Variants in SMC5 observed in about 807,000 individuals in gnomAD.
SMC5 encodes structural maintenance of chromosomes 5, also known as structural maintenance of chromosomes protein 5.
Under a neutral mutation model 148.3 loss-of-function variants are expected in SMC5, and 88 were observed. That is an observed-to-expected ratio of 0.59 (90% CI 0.50 to 0.71). SMC5 has a LOEUF of 0.71. Ranked by LOEUF, SMC5 falls within the 30% of genes least tolerant of loss-of-function variation. The pLI is 0.00. For synonymous variants in SMC5, 421 were observed against 432.8 expected (o/e 0.97, Z 0.34); for missense variants, 1,142 against 1,298.9 (o/e 0.88, Z 1.86).
chr9:70,318,615 T>G lies in SMC5; in HGVS notation c.1908T>G (p.Ser636=). The G allele has an allele frequency of 6.2e-7, 1 of 1,612,982 alleles. No individual in the cohort carries two copies. The highest frequency in any genetic ancestry group is 8.5e-7 in the Non-Finnish European group (1 of 1,179,392). ...ACAAAGTTATTTCTAGTAACACATCTCTAAAAGTAGCGCAGTTTCTCACTG... is the reference window on the plus strand; with the variant it reads ...ACAAAGTTATTTCTAGTAACACATCGCTAAAAGTAGCGCAGTTTCTCACTG... ...YSNKVISSNT[S]LKVAQFLTVT... is the part of the protein sequence containing the mutation. The change falls in exon 14 of 25, where the codon TCT becomes TCG. Residue 636 remains serine, a synonymous_variant. Coordinates refer to ENST00000361138, the MANE Select transcript of SMC5 (RefSeq NM_015110.4).
chr9:70,344,157 A>G lies in SMC5; in HGVS notation c.2411A>G (p.Glu804Gly). 6.6e-7 allele frequency: 1 copy of G among 1,525,554 alleles called. No homozygotes were observed. Among genetic ancestry groups the G allele is most frequent in the Non-Finnish European group, 8.8e-7 (1 of 1,135,676 alleles). 94.5% of individuals were successfully genotyped at this position (1,525,554 alleles called of 1,614,324 possible). Residue 804 changes from glutamate (E) to glycine (G), a missense_variant, in exon 18 of 25, where the codon GAA becomes GGA. Physicochemically the swap from Glu to Gly is moderately conservative, Grantham distance 98. This residue lies in a region of SMC5 where 743 missense variants were observed against 835.7 expected (regional missense o/e 0.89). Transcript: ENST00000361138. ...TTTTTTTAATAGCAACATTTCATTGAATTGGATGAAAATAGACAGAGATTA... is the reference window on the plus strand; with the variant it reads ...TTTTTTTAATAGCAACATTTCATTGGATTGGATGAAAATAGACAGAGATTA... The part of the protein sequence containing the change: ...QLRLTEQHFI[E>G]LDENRQRLLQ...
Position 70,347,735 on chromosome 9 carries a change from A to C in SMC5, c.2769+18A>C. ...TTTCACAGGTAATTTTTTAGTTTTT[A>C]ATCTTTTTATCATGTGATTATTAAT... On this transcript the variant is annotated intron_variant, in intron 21 of 24. Transcript: ENST00000361138. 1 of 1,438,442 alleles carries C rather than the reference A, an allele frequency of 7.0e-7. No individual in the cohort carries two copies. Among genetic ancestry groups the C allele is most frequent in the South Asian group, 1.3e-5 (1 of 78,584 alleles). The allele number at this position is 1,438,442 out of a possible 1,614,324, so 89.1% of individuals were successfully genotyped here. A position where few individuals can be genotyped will look rare whatever the true frequency, so the allele number is the denominator to read the frequency against.
At chr9:70,268,811 C>A (rs2034365065) in intron 3 of SMC5, among the ~76,000 whole-genome samples, 1 of 152,052 alleles carries the variant, frequency 6.6e-6, no homozygotes, top group African/African-American at 2.4e-5. Context: ...CCTTATGACA[C>A]CAATAATTCA....
At chr9:70,329,578 A>G (rs1295233160) in intron 17 of SMC5, among the ~76,000 whole-genome samples, 6 of 152,224 alleles carry the variant, frequency 3.9e-5, no homozygotes, top group Non-Finnish European at 7.3e-5. Flanking sequence ...TTCACTGTCC[A>G]TATCCTTGTC....
At chr9:70,346,388 A>G in intron 18 of SMC5, 1 of 586,588 alleles carries the variant, frequency 1.7e-6, no homozygotes, top group Middle Eastern at 4.0e-4. Flanking sequence ...TGCTAGGCCA[A>G]ACAATGTACT....
rs1400797362 is a variant in SMC5 at position 70,318,975 on chromosome 9, C to G, written c.2150+12C>G. 1 of 1,598,504 alleles carries G rather than the reference C, an allele frequency of 6.3e-7. No homozygotes were observed. Among genetic ancestry groups the G allele is most frequent in the African/African-American group, 1.4e-5 (1 of 73,750 alleles). ...TCCAAACTAGGAAGGTATCTTTTAGCCTATTCAGGGGGGAGAGCACAAATT... is the reference window on the plus strand; with the variant it reads ...TCCAAACTAGGAAGGTATCTTTTAGGCTATTCAGGGGGGAGAGCACAAATT... On this transcript the variant is annotated intron_variant, in intron 15 of 24. Transcript: ENST00000361138.
At position 70,313,614 on chromosome 9, in the gene SMC5, C is replaced by A. The variant is rs540591341; in HGVS notation, c.1579-1128C>A. ...CTGAGTTCAAGCAATTCTCCTGCCTCAACCTCCCAAGTAGCTGAGATTACA... is the reference window on the plus strand; with the variant it reads ...CTGAGTTCAAGCAATTCTCCTGCCTAAACCTCCCAAGTAGCTGAGATTACA... On this transcript the variant is annotated intron_variant, in intron 11 of 24. Transcript: ENST00000361138. 3.3e-5 allele frequency among the ~76,000 whole-genome samples: 5 copies of A among 152,212 alleles called. No individual in the cohort carries two copies. The South Asian group carries it at 1.0e-3, about 32-fold the overall frequency.
chr9:70,289,840 A>G (rs184269770), intron 8 of SMC5, among the ~76,000 whole-genome samples: 65 of 151,740 alleles, frequency 4.3e-4, no homozygotes, highest in Non-Finnish European at 6.5e-4. Context: ...ATCCCATGTC[A>G]GTATCATCAG....
rs75873820 is a variant in SMC5 at position 70,282,547 on chromosome 9, C to T, written c.945C>T (p.Asn315=). Residue 315 remains asparagine (N), a synonymous_variant, in exon 7 of 25, where the codon AAC becomes AAT. Transcript: ENST00000361138. ...PVTCRIEEME[N]ERHNLEARIK... is the part of the protein sequence containing the mutation. ...CATGTCGAATTGAAGAAATGGAAAACGAGCGTCACAATTTGGAGGCTCGAA... is the reference window on the plus strand; with the variant it reads ...CATGTCGAATTGAAGAAATGGAAAATGAGCGTCACAATTTGGAGGCTCGAA... 1,646 of 1,587,480 alleles carry T rather than the reference C, an allele frequency of 1.0e-3. 15 individuals are homozygous for T. The East Asian group carries it at 0.02, about 20-fold the overall frequency.
intron 10 of SMC5, among the ~76,000 whole-genome samples, chr9:70,303,447 C>T (rs148239708): frequency 2.0e-5 from 3 of 152,096 alleles, no homozygotes; most frequent in African/African-American, 4.8e-5. Flanking sequence ...TACCTCCCCC[C>T]TCAAATTGCG....
chr9:70,302,502 A>AT (rs1554693939), intron 10 of SMC5, among the ~76,000 whole-genome samples: 27 of 149,452 alleles, frequency 1.8e-4, no homozygotes, highest in Non-Finnish European at 3.1e-4. Flanking sequence ...AAGAAAAAAA[A>AT]ATATATATAT....
intron 7 of SMC5, among the ~76,000 whole-genome samples, chr9:70,283,085 C>T (rs1205178676): frequency 3.3e-5 from 5 of 152,114 alleles, no homozygotes; most frequent in East Asian, 1.9e-4. Context: ...TCTAAAATAA[C>T]GCAGTATAGG....
At chr9:70,349,851 A>G (rs66709870) in intron 22 of SMC5, among the ~76,000 whole-genome samples, 11,746 of 152,266 alleles carry the variant, frequency 0.077, 524 homozygotes, top group African/African-American at 0.13. Flanking sequence ...AGAATGGTAT[A>G]GAGGAGGAAA....
At chr9:70,303,920 A>G (rs1262663278) in intron 10 of SMC5, among the ~76,000 whole-genome samples, 2 of 152,140 alleles carry the variant, frequency 1.3e-5, no homozygotes, top group African/African-American at 4.8e-5. Flanking sequence ...TACTTTTTAT[A>G]TTTATACGCT....
chr9:70,345,331 A>G (rs1467762753), intron 18 of SMC5, among the ~76,000 whole-genome samples: 1 of 152,130 alleles, frequency 6.6e-6, no homozygotes, highest in Non-Finnish European at 1.5e-5. Context: ...CTCAGCTGAA[A>G]CTTATATTCT....
chr9:70,281,599 G>C (rs1235277156), intron 6 of SMC5, among the ~76,000 whole-genome samples: 3 of 152,106 alleles, frequency 2.0e-5, no homozygotes, highest in Non-Finnish European at 4.4e-5. Flanking sequence ...AACAAAATAG[G>C]TAAGAAAGTT....
chr9:70,329,186 CTCT>C (rs746257801), intron 17 of SMC5, among the ~76,000 whole-genome samples: 4 of 152,210 alleles, frequency 2.6e-5, no homozygotes, highest in Non-Finnish European at 4.4e-5. Flanking sequence ...TAACATTTGG[CTCT>C]TCTTTACTTC....
chr9:70,346,924 C>G (rs1391896312), intron 19 of SMC5, 142 bp from the exon 20 acceptor site: 6 of 711,214 alleles, frequency 8.4e-6, no homozygotes, highest in Non-Finnish European at 2.3e-6. Flanking sequence ...GCAAATGACC[C>G]TGTTTATTAT....
intron 6 of SMC5, among the ~76,000 whole-genome samples, chr9:70,281,683 G>A (rs146725840): frequency 1.3e-5 from 2 of 152,102 alleles, no homozygotes; most frequent in African/African-American, 4.8e-5. Context: ...TGGCATTCTT[G>A]TTCTGTCTTC....
Sources: allele counts gnomAD v4.1 joint callset (sites outside exome capture counted in the v4.1 genomes callset), GRCh38; gene constraint gnomAD v4.1.1; regional missense constraint gnomAD v4.1.1; transcripts MANE v1.5; gene names NCBI Gene and HGNC (gene_info 2026-07-23, HGNC 2026-07-21).